Variants in ZNRF3 observed in about 807,000 individuals in gnomAD.
The protein encoded by ZNRF3 is zinc and ring finger 3, also known as E3 ubiquitin-protein ligase ZNRF3.
ZNRF3 carries 23 observed loss-of-function variants against 72.5 expected under a neutral mutation model. The ratio of observed to expected loss-of-function variants is 0.32; its 90% CI spans 0.23 to 0.45. The LOEUF (loss-of-function observed/expected upper bound fraction) is 0.45. Among genes scored for constraint, ZNRF3 ranks in the 20% least tolerant of loss-of-function variants. ZNRF3 has a pLI of 1.00. For missense variants in ZNRF3, 1,169 were observed against 1,272.1 expected, an observed-to-expected ratio of 0.92 and a Z score of 1.23; for synonymous variants, 610 against 545.3, an observed-to-expected ratio of 1.12 and a Z score of -1.65.
chr22:28,894,892 A>G (rs2033961352), intron 1 of ZNRF3, among the ~76,000 whole-genome samples: 1 of 152,204 alleles, frequency 6.6e-6, no homozygotes, highest in Non-Finnish European at 1.5e-5. Flanking sequence ...AAGATCTGGC[A>G]TCAGTGGGTC....
At chr22:28,924,693 C>T (rs2034569623) in intron 1 of ZNRF3, among the ~76,000 whole-genome samples, 2 of 152,090 alleles carry the variant, frequency 1.3e-5, no homozygotes, top group South Asian at 2.1e-4. Flanking sequence ...ACTATGATTG[C>T]ATCACAGTAC....
intron 4 of ZNRF3, 107 bp downstream of exon 4, chr22:29,043,537 AC>A: frequency 8.5e-6 from 12 of 1,408,530 alleles, no homozygotes; most frequent in Non-Finnish European, 1.1e-5. Flanking sequence ...ATGCTGGCAT[AC>A]CCCAGGTTCC....
At chr22:28,947,572 G>A (rs2035075502) in intron 1 of ZNRF3, among the ~76,000 whole-genome samples, 4 of 152,140 alleles carry the variant, frequency 2.6e-5, no homozygotes, top group Admixed American at 1.3e-4. Context: ...GGTATGAAGT[G>A]ATATCTCATT....
At chr22:29,017,056 T>C (rs758294632) in intron 2 of ZNRF3, among the ~76,000 whole-genome samples, 4 of 152,226 alleles carry the variant, frequency 2.6e-5, no homozygotes, top group Non-Finnish European at 5.9e-5. Flanking sequence ...TACTTGTCTA[T>C]TTCCATTTCC....
intron 1 of ZNRF3, among the ~76,000 whole-genome samples, chr22:28,983,588 C>T (rs1175549474): frequency 6.6e-6 from 1 of 152,210 alleles, no homozygotes; most frequent in East Asian, 1.9e-4. Flanking sequence ...TCCAGCTGCC[C>T]TCGACTGTCC....
rs1177333339 is a variant in ZNRF3, at chr22:28,884,067, G to GTAGC, written c.300+3_300+6dup. Reference sequence around the variant, plus strand: ...CAGCGCCGAGGGCGAGATCGTGCAGGTAGCTGCCCGCCGCCCGGGCCCCGC... The same window carrying GTAGC: ...CAGCGCCGAGGGCGAGATCGTGCAGGTAGCTAGCTGCCCGCCGCCCGGGCCCCGC... On this transcript the variant is annotated splice_donor_variant, in intron 1 of 8. Coordinates refer to ENST00000544604, the MANE Select transcript of ZNRF3 (RefSeq NM_001206998.2). LOFTEE classifies it high-confidence loss of function. The GTAGC allele has an allele frequency of 8.1e-7, 1 of 1,229,946 alleles. No individual in the cohort carries two copies. Among genetic ancestry groups the GTAGC allele is most frequent in the Non-Finnish European group, 1.0e-6 (1 of 967,378 alleles). 76.2% of individuals were successfully genotyped at this position (1,229,946 alleles called of 1,614,324 possible).
chr22:28,954,262 G>A (rs1207739905), intron 1 of ZNRF3, among the ~76,000 whole-genome samples: 1 of 152,170 alleles, frequency 6.6e-6, no homozygotes, highest in Non-Finnish European at 1.5e-5. Context: ...GTGCCAGCAT[G>A]GTCGGGTTCT....
In ZNRF3 at chr22:28,976,299, T is replaced by C. The variant is rs567001526; in HGVS notation, c.301-10777T>C. Among the ~76,000 whole-genome samples, 13 of 152,240 alleles carry C rather than the reference T, an allele frequency of 8.5e-5. No individual in the cohort carries two copies. In the South Asian group the frequency reaches 2.3e-3, roughly 27 times the overall value. Reference sequence around the variant, plus strand: ...TGGGTGGCAGAGGTGGGTGGGTTACTTGAGTTGGATCCAGGAGTTTGAGAC... The same window carrying C: ...TGGGTGGCAGAGGTGGGTGGGTTACCTGAGTTGGATCCAGGAGTTTGAGAC... On this transcript the variant is annotated intron_variant, in intron 1 of 8. Coordinates refer to ENST00000544604, the MANE Select transcript of ZNRF3 (RefSeq NM_001206998.2).
intron 1 of ZNRF3, among the ~76,000 whole-genome samples, chr22:28,912,025 C>T (rs550582953): frequency 2.0e-5 from 3 of 152,272 alleles, no homozygotes; most frequent in South Asian, 2.1e-4. Context: ...GAGAAGGGCC[C>T]GGCCATTAAA....
intron 2 of ZNRF3, among the ~76,000 whole-genome samples, chr22:29,020,788 T>TGG (rs1463564067): frequency 7.1e-6 from 1 of 141,020 alleles, no homozygotes; most frequent in Non-Finnish European, 1.5e-5. Flanking sequence ...TGTGTGTGTG[T>TGG]GTGTGTGTGT....
intron 8 of ZNRF3, 40 bp downstream of exon 8, chr22:29,050,988 C>A: frequency 6.7e-7 from 1 of 1,491,912 alleles, no homozygotes; most frequent in Admixed American, 2.3e-5. Context: ...GCAGGAGTTT[C>A]CATCAGGGTC....
At chr22:28,885,930 C>CAAAAA (rs5844826) in intron 1 of ZNRF3, among the ~76,000 whole-genome samples, 1 of 126,536 alleles carries the variant, frequency 7.9e-6, no homozygotes, top group Non-Finnish European at 1.8e-5. Flanking sequence ...TTAGCCTAGC[C>CAAAAA]AAAAAAAAAA....
intron 1 of ZNRF3, among the ~76,000 whole-genome samples, chr22:28,984,871 C>A (rs2035826633): frequency 6.6e-6 from 1 of 152,232 alleles, no homozygotes; most frequent in Non-Finnish European, 1.5e-5. Flanking sequence ...CACCGCAGAA[C>A]CTCCATTGGC....
intron 2 of ZNRF3, among the ~76,000 whole-genome samples, chr22:28,987,775 G>A (rs2035882360): frequency 6.6e-6 from 1 of 152,160 alleles, no homozygotes; most frequent in Non-Finnish European, 1.5e-5. Flanking sequence ...ATTAAGTTTT[G>A]CTGCCAAGTA....
intron 1 of ZNRF3, among the ~76,000 whole-genome samples, chr22:28,935,007 C>A (rs974728292): frequency 6.6e-6 from 1 of 152,042 alleles, no homozygotes; most frequent in Non-Finnish European, 1.5e-5. Flanking sequence ...TGGCCCAGGA[C>A]TTCTCTGAAT....
At chr22:28,929,765 CTGTAGG>C (rs1021433100) in intron 1 of ZNRF3, among the ~76,000 whole-genome samples, 2 of 152,090 alleles carry the variant, frequency 1.3e-5, no homozygotes, top group Non-Finnish European at 2.9e-5. Flanking sequence ...CTGTTGGGAC[CTGTAGG>C]TGGTTGGGTA....
intron 2 of ZNRF3, among the ~76,000 whole-genome samples, chr22:28,988,435 G>A (rs932526084): frequency 1.3e-5 from 2 of 152,158 alleles, no homozygotes; most frequent in African/African-American, 4.8e-5. Flanking sequence ...ACCCTCACAG[G>A]TCTAATCTTT....
intron 1 of ZNRF3, among the ~76,000 whole-genome samples, chr22:28,919,893 T>TTTA (rs1471757153): frequency 6.6e-6 from 1 of 152,194 alleles, no homozygotes; most frequent in Non-Finnish European, 1.5e-5. Context: ...AGAAGCTGTT[T>TTTA]TTAAGGAAAG....
chr22:28,954,695 A>G (rs886444661), intron 1 of ZNRF3, among the ~76,000 whole-genome samples: 2 of 151,736 alleles, frequency 1.3e-5, no homozygotes, highest in Non-Finnish European at 2.9e-5. Context: ...GTCCATGACC[A>G]TGGCTCACCA....
Sources: allele counts gnomAD v4.1 joint callset (sites outside exome capture counted in the v4.1 genomes callset), GRCh38; gene constraint gnomAD v4.1.1; transcripts MANE v1.5; gene names NCBI Gene and HGNC (gene_info 2026-07-23, HGNC 2026-07-21).